Variants in IKZF1 observed in about 807,000 individuals in gnomAD.
The protein encoded by IKZF1 is DNA-binding protein Ikaros.
IKZF1 carries 10 observed loss-of-function variants against 51.7 expected under a neutral mutation model. The ratio of observed to expected loss-of-function variants is 0.19; its 90% CI spans 0.12 to 0.33. The LOEUF (loss-of-function observed/expected upper bound fraction) is 0.33. Among genes scored for constraint, IKZF1 ranks in the 10% least tolerant of loss-of-function variants. The pLI, the probability that IKZF1 is intolerant of heterozygous loss-of-function variation, is 1.00. For missense variants in IKZF1, 484 were observed against 707.5 expected, an observed-to-expected ratio of 0.68 and a Z score of 3.58; for synonymous variants, 280 against 282.3, an observed-to-expected ratio of 0.99 and a Z score of 0.08.
chr7:50,345,530 A>C (rs1184445338), intron 3 of IKZF1, among the ~76,000 whole-genome samples: 2 of 152,132 alleles, frequency 1.3e-5, no homozygotes, highest in East Asian at 3.8e-4. Flanking sequence ...GTGGAAATTG[A>C]GCCGTCTTTG....
intron 3 of IKZF1, among the ~76,000 whole-genome samples, chr7:50,373,823 T>C (rs1398930665): frequency 6.6e-6 from 1 of 152,172 alleles, no homozygotes; most frequent in African/African-American, 2.4e-5. Context: ...GAGAACTCAA[T>C]GGTCATTAAG....
At chr7:50,393,577 A>G (rs1444677789) in intron 7 of IKZF1, among the ~76,000 whole-genome samples, 1 of 152,238 alleles carries the variant, frequency 6.6e-6, no homozygotes, top group Non-Finnish European at 1.5e-5. Context: ...AGAAGGATTC[A>G]GTGTACAAAA....
chr7:50,353,021 C>A (rs1034783195), intron 3 of IKZF1, among the ~76,000 whole-genome samples: 2 of 152,200 alleles, frequency 1.3e-5, no homozygotes, highest in Admixed American at 6.5e-5. Context: ...TGGCTGTCCA[C>A]GCCTCTTTTC....
At chr7:50,390,910 C>T (rs184059688) in intron 6 of IKZF1, among the ~76,000 whole-genome samples, 67 of 152,194 alleles carry the variant, frequency 4.4e-4, no homozygotes, top group African/African-American at 1.5e-3. Flanking sequence ...AAGGCAGGAA[C>T]GGTATTGGAA....
chr7:50,367,167 A>G (rs1290974926), intron 3 of IKZF1, among the ~76,000 whole-genome samples: 1 of 152,216 alleles, frequency 6.6e-6, no homozygotes, highest in African/African-American at 2.4e-5. Context: ...GGTTTAAGCA[A>G]AGTTCAGTAG....
intron 3 of IKZF1, among the ~76,000 whole-genome samples, chr7:50,341,907 T>C (rs1290316270): frequency 6.6e-6 from 1 of 152,002 alleles, no homozygotes; most frequent in Non-Finnish European, 1.5e-5. Context: ...CACATGCAGC[T>C]AGGGGTTACC....
At chr7:50,380,293 G>A (rs1416585232) in intron 4 of IKZF1, among the ~76,000 whole-genome samples, 2 of 152,310 alleles carry the variant, frequency 1.3e-5, no homozygotes, top group Middle Eastern at 3.4e-3. Flanking sequence ...TTGCAGGCAG[G>A]TATTAAGACA....
chr7:50,334,633 G>GTA (rs1225771997), intron 3 of IKZF1, among the ~76,000 whole-genome samples: 1 of 151,536 alleles, frequency 6.6e-6, no homozygotes, highest in Non-Finnish European at 1.5e-5. Context: ...GTGTATATGT[G>GTA]TATGGGATGT....
intron 2 of IKZF1, among the ~76,000 whole-genome samples, chr7:50,325,320 T>C (rs1794656475): frequency 7.9e-6 from 1 of 127,058 alleles, no homozygotes; most frequent in South Asian, 2.4e-4. Context: ...CTTCATAAAG[T>C]CCTGGGAGTT....
At chr7:50,315,470 T>C (rs756008515) in intron 1 of IKZF1, among the ~76,000 whole-genome samples, 94 of 152,326 alleles carry the variant, frequency 6.2e-4, no homozygotes, top group Non-Finnish European at 1.3e-3. Flanking sequence ...CCTGCACTTA[T>C]CTCTGCATCT....
chr7:50,364,409 G>C (rs1341663761), intron 3 of IKZF1, among the ~76,000 whole-genome samples: 1 of 152,204 alleles, frequency 6.6e-6, no homozygotes, highest in Non-Finnish European at 1.5e-5. Flanking sequence ...ATTTGCTCTT[G>C]ATAAGAATAT....
In IKZF1 at chr7:50,365,369, T is replaced by A. The variant is rs372097247; in HGVS notation, c.161-11164T>A. On this transcript the variant is annotated intron_variant, in intron 3 of 7. Transcript: ENST00000331340. ...AACAAACTAATAGGTACAGCTATATTTTGTTTTTTAAACAATTTTGTGAAC... is the reference window on the plus strand; with the variant it reads ...AACAAACTAATAGGTACAGCTATATATTGTTTTTTAAACAATTTTGTGAAC... 2.0e-3 allele frequency among the ~76,000 whole-genome samples: 300 copies of A among 152,366 alleles called. 15 individuals carry two copies. In the South Asian group the frequency reaches 0.061, roughly 31 times the overall value.
At chr7:50,351,540 A>G (rs976549117) in intron 3 of IKZF1, among the ~76,000 whole-genome samples, 8 of 152,206 alleles carry the variant, frequency 5.3e-5, no homozygotes, top group Non-Finnish European at 1.2e-4. Context: ...CAAATCAACA[A>G]TATCTTTGCT....
At chr7:50,351,382 G>T (rs1356985909) in intron 3 of IKZF1, among the ~76,000 whole-genome samples, 7 of 152,088 alleles carry the variant, frequency 4.6e-5, no homozygotes, top group Non-Finnish European at 1.0e-4. Context: ...CCCAGAAGGG[G>T]CACTGAATTC....
intron 3 of IKZF1, among the ~76,000 whole-genome samples, chr7:50,330,794 G>A (rs1796288957): frequency 1.3e-5 from 2 of 152,184 alleles, no homozygotes; most frequent in African/African-American, 4.8e-5. Context: ...CAGTGCAAAG[G>A]ACTGTAAGGA....
chr7:50,384,461 T>C (rs1812792398), intron 5 of IKZF1, among the ~76,000 whole-genome samples: 1 of 152,182 alleles, frequency 6.6e-6, no homozygotes, highest in South Asian at 2.1e-4. Flanking sequence ...AGCTGAGGAG[T>C]TGCTTGCCCG....
chr7:50,378,134 G>A (rs1303310137), intron 4 of IKZF1, among the ~76,000 whole-genome samples: 2 of 152,182 alleles, frequency 1.3e-5, no homozygotes, highest in Non-Finnish European at 2.9e-5. Flanking sequence ...TTGTGGGGTT[G>A]TAATTTTTTA....
intron 3 of IKZF1, among the ~76,000 whole-genome samples, chr7:50,370,704 C>T (rs1808407564): frequency 6.6e-6 from 1 of 152,214 alleles, no homozygotes; most frequent in Non-Finnish European, 1.5e-5. Context: ...CATTATCTCT[C>T]AGTCAATGAA....
intron 3 of IKZF1, among the ~76,000 whole-genome samples, chr7:50,343,224 C>T (rs1584622727): frequency 1.5e-5 from 2 of 129,192 alleles, no homozygotes; most frequent in South Asian, 2.9e-4. Context: ...CTTCCCCTCC[C>T]CTCCCTCCCT....
Sources: gnomAD v4.1 joint callset for allele counts (sites outside exome capture counted in the v4.1 genomes callset) on GRCh38, gnomAD v4.1.1 for gene constraint, MANE v1.5 for transcripts, NCBI Gene and HGNC (gene_info 2026-07-23, HGNC 2026-07-21) for gene names.